The following ZNF737 variants were observed in gnomAD, a reference collection of about 807,000 sequenced individuals.
The protein encoded by ZNF737 is zinc finger protein 737, also known as zinc finger protein 102 (Y3).
In ZNF737, 13 loss-of-function variants were observed where a neutral mutation model predicts 11.7. That is an observed-to-expected ratio of 1.11 (90% confidence interval 0.73 to 1.77). The LOEUF is 1.77. Ranked by LOEUF, ZNF737 falls within the 40% of genes most tolerant of loss-of-function variation. The pLI is 0.00. For synonymous variants in ZNF737, 217 were observed against 216.2 expected, an observed-to-expected ratio of 1.00 and a Z score of -0.03; for missense variants, 636 against 638.0, an observed-to-expected ratio of 1.00 and a Z score of 0.03.
chr19:20,545,900 T>C lies in ZNF737; in HGVS notation c.303A>G (p.Arg101=). The C allele has an allele frequency of 6.2e-7, 1 of 1,603,850 alleles. No homozygotes were observed. Residue 101 remains arginine (R), a synonymous_variant, in exon 4 of 4, where the codon AGA becomes AGG. Coordinates refer to ENST00000427401, the MANE Select transcript of ZNF737 (RefSeq NM_001159293.2). ...TGTCATGTCCATAGTTTTCATATCT[T>C]CTCAGTGTCACTTTTTGGAAAGAAT... ...IKDSFQKVTL[R]RYENYGHDNL...
chr19:20,549,706 G>C (rs1555757922), intron 3 of ZNF737, among the ~76,000 whole-genome samples: 1 of 151,456 alleles, frequency 6.6e-6, no homozygotes, highest in African/African-American at 2.4e-5. Context: ...AAGATGAGCA[G>C]ATCACCTGAG....
chr19:20,558,494 G>GA (rs1968971027), intron 1 of ZNF737, among the ~76,000 whole-genome samples: 1 of 152,000 alleles, frequency 6.6e-6, no homozygotes, highest in African/African-American at 2.4e-5. Flanking sequence ...TAGGAAAAAA[G>GA]ACTGCTGCAT....
chr19:20,537,509 C>CTCTT (rs1172290847), downstream of ZNF737, among the ~76,000 whole-genome samples: 1 of 58,480 alleles, frequency 1.7e-5, no homozygotes, highest in African/African-American at 8.3e-5. Context: ...GCCTGGTTTT[C>CTCTT]TATTTTTTTT....
In ZNF737 at chr19:20,538,752, C is replaced by T. The variant is rs989415969; in HGVS notation, c.*5840G>A. 2.5e-5 allele frequency: 25 copies of T among 985,268 alleles called. No homozygotes were observed. In the African/African-American group the frequency reaches 3.8e-4, roughly 15 times the overall value. The allele number at this position is 985,268 out of a possible 1,614,324, so 61.0% of individuals were successfully genotyped here. ...ACTGCACATCAATGCTTTCCACATGCACCCAATAGAGTCTTAATTTAATTG... is the reference window on the plus strand; with the variant it reads ...ACTGCACATCAATGCTTTCCACATGTACCCAATAGAGTCTTAATTTAATTG... On this transcript the variant is annotated 3_prime_UTR_variant, in exon 4 of 4. Coordinates refer to ENST00000427401, the MANE Select transcript of ZNF737 (RefSeq NM_001159293.2).
Position 20,539,667 on chromosome 19 carries a change from A to G in ZNF737, c.*4925T>C. 2 of 935,300 alleles carry G rather than the reference A, an allele frequency of 2.1e-6. No individual in the cohort carries two copies. The highest frequency in any genetic ancestry group is 2.5e-6 in the Non-Finnish European group (2 of 784,324). The allele number at this position is 935,300 out of a possible 1,614,324, so 57.9% of individuals were successfully genotyped here. ...CAGTATAGTAGAATCCTCTATAATTAGAAGTTAATTATTTATAAATTCATT... is the reference window on the plus strand; with the variant it reads ...CAGTATAGTAGAATCCTCTATAATTGGAAGTTAATTATTTATAAATTCATT... On this transcript the variant is annotated 3_prime_UTR_variant, in exon 4 of 4. Coordinates refer to ENST00000427401, the MANE Select transcript of ZNF737 (RefSeq NM_001159293.2).
At chr19:20,536,564 C>A (rs1967974330), downstream of ZNF737, among the ~76,000 whole-genome samples, 1 of 152,076 alleles carries the variant, frequency 6.6e-6, no homozygotes, top group Non-Finnish European at 1.5e-5. Flanking sequence ...TAATCCAGCA[C>A]TTTGAGAGGC....
chr19:20,559,636 C>T (rs1170878311), intron 1 of ZNF737, among the ~76,000 whole-genome samples: 2 of 152,180 alleles, frequency 1.3e-5, no homozygotes, highest in Admixed American at 6.5e-5. Flanking sequence ...TGCTTATACT[C>T]TGCTGGTGGG....
intron 3 of ZNF737, 74 bp from the exon 4 acceptor site, chr19:20,546,050 A>AT: frequency 6.9e-7 from 1 of 1,452,766 alleles, no homozygotes; most frequent in Admixed American, 2.7e-5. Context: ...TCTAACCTAT[A>AT]TAATTATACA....
chr19:20,542,517 C>A lies in ZNF737; in HGVS notation c.*2075G>T. The A allele has an allele frequency of 6.1e-6, 6 of 978,174 alleles. No homozygotes were observed. The highest frequency in any genetic ancestry group is 7.3e-6 in the Non-Finnish European group (6 of 823,398). 60.6% of individuals were successfully genotyped at this position (978,174 alleles called of 1,614,324 possible). A position where few individuals can be genotyped will look rare whatever the true frequency, so the allele number is the denominator to read the frequency against. On this transcript the variant is annotated 3_prime_UTR_variant, in exon 4 of 4. Transcript: ENST00000427401. ...AAAGTGCTGAAATTACAGGCATGAG[C>A]CATCAAGCCCGGCCCTAACAGTTTT...
At chr19:20,554,385 AAAGAT>A (rs1193084129) in intron 1 of ZNF737, among the ~76,000 whole-genome samples, 2 of 152,248 alleles carry the variant, frequency 1.3e-5, no homozygotes, top group Admixed American at 6.5e-5. Flanking sequence ...GCCTGTAAAC[AAAGAT>A]AAGAGTCTTC....
chr19:20,546,296 T>C (rs1428283092), intron 3 of ZNF737, among the ~76,000 whole-genome samples: 2 of 152,226 alleles, frequency 1.3e-5, no homozygotes, highest in East Asian at 1.9e-4. Flanking sequence ...ATTGTGCCTT[T>C]AAAAGTAAAT....
At chr19:20,557,140 G>C (rs547850380) in intron 1 of ZNF737, among the ~76,000 whole-genome samples, 6 of 152,284 alleles carry the variant, frequency 3.9e-5, no homozygotes, top group African/African-American at 1.4e-4. Flanking sequence ...TGCAGGAATA[G>C]AAAACAAGTT....
At chr19:20,559,465 C>A (rs1555761885) in intron 1 of ZNF737, among the ~76,000 whole-genome samples, 1 of 133,404 alleles carries the variant, frequency 7.5e-6, no homozygotes, top group Non-Finnish European at 1.6e-5. Context: ...AAAAGAAAAA[C>A]CACATGTGGC....
At chr19:20,530,813 TC>T in the ZNF737 span, among the ~76,000 whole-genome samples, 1 of 147,456 alleles carries the variant, frequency 6.8e-6, no homozygotes, top group Non-Finnish European at 1.5e-5. Context: ...GCTCCTCACT[TC>T]CCAGACGGGG....
intron 3 of ZNF737, among the ~76,000 whole-genome samples, chr19:20,546,251 T>C (rs1555757057): frequency 1.3e-5 from 2 of 152,200 alleles, no homozygotes; most frequent in African/African-American, 2.4e-5. Flanking sequence ...CTGTTACTTA[T>C]ACCCAACAGA....
At chr19:20,562,768 C>A (rs782609087) in intron 1 of ZNF737, among the ~76,000 whole-genome samples, 16 of 152,166 alleles carry the variant, frequency 1.1e-4, no homozygotes, top group South Asian at 1.0e-3. Context: ...AATAAAATAT[C>A]CCTTAATCGA....
intron 1 of ZNF737, among the ~76,000 whole-genome samples, chr19:20,557,045 T>G (rs1316940823): frequency 1.3e-5 from 2 of 152,214 alleles, no homozygotes. Context: ...ATGAAAGAGA[T>G]AGAAAGAAAG....
Position 20,542,836 on chromosome 19 carries a change from C to T in ZNF737, c.*1756G>A. The T allele has an allele frequency of 1.2e-5, 12 of 985,320 alleles. No individual in the cohort carries two copies. The highest frequency in any genetic ancestry group is 1.4e-5 in the Non-Finnish European group (12 of 829,876). The allele number at this position is 985,320 out of a possible 1,614,324, so 61.0% of individuals were successfully genotyped here. A position where few individuals can be genotyped will look rare whatever the true frequency, so the allele number is the denominator to read the frequency against. ...AAGCCACTGATCACATGCTTTCTCA[C>T]ATGTGAATAGAAATAAAATAACAGC... On this transcript the variant is annotated 3_prime_UTR_variant, in exon 4 of 4. Transcript: ENST00000427401.
At chr19:20,550,124 G>GGTAT (rs1310751539) in intron 3 of ZNF737, among the ~76,000 whole-genome samples, 1 of 152,062 alleles carries the variant, frequency 6.6e-6, no homozygotes, top group African/African-American at 2.4e-5. Flanking sequence ...TCCTTTTAAT[G>GGTAT]TCTTAAATAT....
Sources: allele counts gnomAD v4.1 joint callset (sites outside exome capture counted in the v4.1 genomes callset), GRCh38; gene constraint gnomAD v4.1.1; transcripts MANE v1.5; gene names NCBI Gene and HGNC (gene_info 2026-07-23, HGNC 2026-07-21).